ENPP2: variants seen among roughly 807,000 people sequenced by gnomAD.
The protein encoded by ENPP2 is ectonucleotide pyrophosphatase/phosphodiesterase 2, also known as autotaxin.
In ENPP2, 51 loss-of-function variants were observed where a neutral mutation model predicts 120.2. The observed-to-expected ratio is 0.42, with a 90% CI of 0.34 to 0.54. The LOEUF (loss-of-function observed/expected upper bound fraction) is 0.54. Among genes scored for constraint, ENPP2 ranks in the 20% least tolerant of loss-of-function variants. ENPP2 has a pLI of 0.04. For missense variants in ENPP2, 920 were observed against 1,066.5 expected, an observed-to-expected ratio of 0.86 and a Z score of 1.91; for synonymous variants, 365 against 366.4, an observed-to-expected ratio of 1.00 and a Z score of 0.04.
At chr8:119,634,162 G>A (rs544159954) in intron 2 of ENPP2, among the ~76,000 whole-genome samples, 1 of 151,194 alleles carries the variant, frequency 6.6e-6, no homozygotes, top group Admixed American at 6.6e-5. Context: ...CAGTCTGGGT[G>A]ACAGAATGAG....
chr8:119,583,710 G>A lies in ENPP2; in HGVS notation c.1543+7C>T, dbSNP rs1359893369. ...TTTCAATGGTTCTGATTAAATGAGT[G>A]ACTTACCACACATAACATTGTAAAG... On this transcript the variant is annotated splice_region_variant and intron_variant, in intron 17 of 24. Transcript: ENST00000075322. The A allele has an allele frequency of 1.4e-6, 2 of 1,462,758 alleles. No homozygotes were observed. The highest frequency in any genetic ancestry group is 9.5e-7 in the Non-Finnish European group (1 of 1,049,852). 90.6% of individuals were successfully genotyped at this position (1,462,758 alleles called of 1,614,324 possible). A position where few individuals can be genotyped will look rare whatever the true frequency, so the allele number is the denominator to read the frequency against.
chr8:119,595,842 C>T, intron 11 of ENPP2: 1 of 1,613,682 alleles, frequency 6.2e-7, no homozygotes, highest in South Asian at 1.1e-5. Flanking sequence ...AATAGATAAA[C>T]TTACTTTGTC....
chr8:119,638,800 C>A lies in ENPP2; in HGVS notation c.-20G>T. 1 of 1,613,922 alleles carries A rather than the reference C, an allele frequency of 6.2e-7. No individual in the cohort carries two copies. Among genetic ancestry groups the A allele is most frequent in the African/African-American group, 1.3e-5 (1 of 75,050 alleles). On this transcript the variant is annotated 5_prime_UTR_variant, in exon 1 of 25. Transcript: ENST00000075322. ...TGCCATGTCGAGGATTCTTGGAAAG[C>A]CTTTTGCAGCGTGTTCTCTTTGCCT...
chr8:119,637,482 A>G (rs1817069162), intron 2 of ENPP2, among the ~76,000 whole-genome samples: 1 of 152,196 alleles, frequency 6.6e-6, no homozygotes, highest in African/African-American at 2.4e-5. Context: ...CCCGGTTGAT[A>G]ATAAAATTTC....
intron 2 of ENPP2, among the ~76,000 whole-genome samples, chr8:119,634,194 AC>A (rs1323220706): frequency 1.3e-4 from 10 of 79,392 alleles, no homozygotes; most frequent in South Asian, 5.0e-4. Flanking sequence ...AAAAATAAAT[AC>A]ATACATACAT....
At chr8:119,609,686 G>A (rs1814959996) in intron 8 of ENPP2, among the ~76,000 whole-genome samples, 1 of 152,110 alleles carries the variant, frequency 6.6e-6, no homozygotes, top group African/African-American at 2.4e-5. Context: ...AAAGAGGCCA[G>A]TTCCTTATAT....
chr8:119,612,773 C>T (rs1417551949), intron 8 of ENPP2, among the ~76,000 whole-genome samples: 1 of 152,062 alleles, frequency 6.6e-6, no homozygotes, highest in Non-Finnish European at 1.5e-5. Context: ...GCCTATAGTC[C>T]CACCTGCTCA....
chr8:119,572,080 G>T, intron 19 of ENPP2: 3 of 793,992 alleles, frequency 3.8e-6, no homozygotes, highest in Non-Finnish European at 6.1e-6. Flanking sequence ...TTAAATAAAT[G>T]AAATATAATA....
Position 119,570,843 on chromosome 8 carries a change from T to TA in ENPP2, c.1781-3dup, listed in dbSNP as rs2130101564. ...GTCGCCCATAGAGGAGGTGTCTCTCTAAAAAAGAAAAAAAATAAACTGTGT... is the reference window on the plus strand; with the variant it reads ...GTCGCCCATAGAGGAGGTGTCTCTCTAAAAAAAGAAAAAAAATAAACTGTGT... On this transcript the variant is annotated splice_region_variant and splice_polypyrimidine_tract_variant and intron_variant, in intron 19 of 24. Coordinates refer to ENST00000075322, the MANE Select transcript of ENPP2 (RefSeq NM_001040092.3). 6.5e-7 allele frequency: 1 copy of TA among 1,535,890 alleles called. No individual in the cohort carries two copies. Among genetic ancestry groups the TA allele is most frequent in the Non-Finnish European group, 8.7e-7 (1 of 1,149,368 alleles).
At chr8:119,653,792 A>C (rs1817690159) in intron 1 of ENPP2, among the ~76,000 whole-genome samples, 1 of 152,092 alleles carries the variant, frequency 6.6e-6, no homozygotes, top group Non-Finnish European at 1.5e-5. Context: ...GGAAATGGAT[A>C]TTTAATGAGC....
chr8:119,593,734 G>A lies in ENPP2; in HGVS notation c.1081+18C>T, dbSNP rs1458228152. 2.7e-6 allele frequency: 4 copies of A among 1,487,710 alleles called. No individual in the cohort carries two copies. The Admixed American group carries it at 6.7e-5, about 25-fold the overall frequency. The allele number at this position is 1,487,710 out of a possible 1,614,324, so 92.2% of individuals were successfully genotyped here. On this transcript the variant is annotated intron_variant, in intron 12 of 24. Coordinates refer to ENST00000075322, the MANE Select transcript of ENPP2 (RefSeq NM_001040092.3). ...ATTATCCATCTATCCTATTAGCAAA[G>A]AAAAAACAAAGCTTTACCATGGTCT...
At chr8:119,569,146 G>A (rs891896509) in intron 21 of ENPP2, 89 bp downstream of exon 21, 173 of 1,332,612 alleles carry the variant, frequency 1.3e-4, no homozygotes, top group Non-Finnish European at 1.8e-4. Flanking sequence ...CTCTCTTGAA[G>A]AAAACCCAAG....
At chr8:119,596,148 G>T in intron 11 of ENPP2, 1 of 640,982 alleles carries the variant, frequency 1.6e-6, no homozygotes, top group Non-Finnish European at 2.6e-6. Flanking sequence ...ATGAGGGATG[G>T]ATGATTAGAG....
chr8:119,637,114 A>G (rs1270646686), intron 2 of ENPP2, among the ~76,000 whole-genome samples: 1 of 152,186 alleles, frequency 6.6e-6, no homozygotes, highest in Non-Finnish European at 1.5e-5. Flanking sequence ...TCAAGTTGCT[A>G]GCTTTCCCAC....
intron 15 of ENPP2, among the ~76,000 whole-genome samples, chr8:119,585,250 T>C: frequency 6.6e-6 from 1 of 152,218 alleles, no homozygotes; most frequent in Admixed American, 6.5e-5. Context: ...ACTCCAATAA[T>C]TCCTGTTCTT....
intron 19 of ENPP2, among the ~76,000 whole-genome samples, chr8:119,577,678 G>T (rs549168145): frequency 4.1e-4 from 62 of 152,292 alleles, no homozygotes; most frequent in African/African-American, 1.4e-3. Context: ...ACTTAGAATA[G>T]CATGAGCTAT....
At chr8:119,665,735 G>A (rs1013959898) in intron 1 of ENPP2, among the ~76,000 whole-genome samples, 3 of 152,118 alleles carry the variant, frequency 2.0e-5, no homozygotes, top group Non-Finnish European at 4.4e-5. Flanking sequence ...ATTGATATAT[G>A]TAACATAAAA....
intron 2 of ENPP2, among the ~76,000 whole-genome samples, chr8:119,633,763 T>C (rs1816824925): frequency 6.6e-6 from 1 of 152,058 alleles, no homozygotes; most frequent in Non-Finnish European, 1.5e-5. Context: ...TAAATATCCA[T>C]TACTGCAACA....
intron 2 of ENPP2, among the ~76,000 whole-genome samples, chr8:119,635,277 T>C (rs1816931665): frequency 6.6e-6 from 1 of 152,226 alleles, no homozygotes; most frequent in African/African-American, 2.4e-5. Context: ...CACATACTTT[T>C]CAACTTTCCT....
Sources: allele counts gnomAD v4.1 joint callset (sites outside exome capture counted in the v4.1 genomes callset), GRCh38; gene constraint gnomAD v4.1.1; transcripts MANE v1.5; gene names NCBI Gene and HGNC (gene_info 2026-07-23, HGNC 2026-07-21).